PRUNE2: variants seen among roughly 807,000 people sequenced by gnomAD.
The protein encoded by PRUNE2 is prune homolog 2 with BCH domain, also known as protein prune homolog 2.
A neutral mutation model predicts 252.0 loss-of-function variants in PRUNE2; 164 were observed. The observed-to-expected ratio is 0.65, with a 90% CI of 0.57 to 0.74. The LOEUF is 0.74. PRUNE2 is among the 30% of genes least tolerant of loss of function. PRUNE2 has a pLI of 0.00. For missense variants in PRUNE2, 3,495 were observed against 3,711.0 expected, an observed-to-expected ratio of 0.94 and a Z score of 1.51; for synonymous variants, 1,292 against 1,350.2, an observed-to-expected ratio of 0.96 and a Z score of 0.94.
At chr9:76,617,912 G>A (rs967223930) in intron 18 of PRUNE2, among the ~76,000 whole-genome samples, 5 of 152,158 alleles carry the variant, frequency 3.3e-5, no homozygotes, top group Admixed American at 1.3e-4. Flanking sequence ...GCTCAAGGGG[G>A]GTGCTGTTTT....
Position 76,708,303 on chromosome 9 carries a change from C to T in PRUNE2, c.3971G>A (p.Ser1324Asn), listed in dbSNP as rs775491678. ...TCCCTGGGCTTCCTTCTCACTTTCA[C>T]TTTGTCCATCGCCATGACCTTTCCA... ...DPWKGHGDGQ[S>N]ESEKEAQGAT... is the part of the protein sequence containing the mutation. The change falls in exon 8 of 19, where the codon AGT becomes AAT. Residue 1324 changes from serine to asparagine, a missense_variant. Coordinates refer to ENST00000376718, the MANE Select transcript of PRUNE2 (RefSeq NM_015225.3). 6.2e-6 allele frequency: 10 copies of T among 1,613,664 alleles called. No homozygotes were observed. The South Asian group carries it at 1.1e-4, about 18-fold the overall frequency.
At chr9:76,782,038 C>T (rs915736532) in intron 6 of PRUNE2, among the ~76,000 whole-genome samples, 1 of 152,064 alleles carries the variant, frequency 6.6e-6, no homozygotes, top group Non-Finnish European at 1.5e-5. Flanking sequence ...CACGGTGAAA[C>T]CCCATCTCTA....
intron 1 of PRUNE2, among the ~76,000 whole-genome samples, chr9:76,871,988 T>C (rs918336407): frequency 2.0e-5 from 3 of 151,930 alleles, no homozygotes; most frequent in Admixed American, 2.0e-4. Context: ...AAAATGAAAA[T>C]AGTCAACATT....
intron 11 of PRUNE2, among the ~76,000 whole-genome samples, chr9:76,649,899 G>C (rs543633570): frequency 9.2e-5 from 14 of 151,746 alleles, no homozygotes; most frequent in African/African-American, 3.4e-4. Context: ...ACAGGCAAAT[G>C]GCCTGAAAAC....
chr9:76,702,555 T>C (rs1037818184), intron 9 of PRUNE2, among the ~76,000 whole-genome samples: 5 of 152,168 alleles, frequency 3.3e-5, no homozygotes, highest in Non-Finnish European at 5.9e-5. Flanking sequence ...CCCTGATATA[T>C]GCCCATTGGC....
At chr9:76,724,688 T>C (rs56145880) in intron 6 of PRUNE2, among the ~76,000 whole-genome samples, 4,025 of 152,226 alleles carry the variant, frequency 0.026, 153 homozygotes, top group African/African-American at 0.09. Flanking sequence ...AATACTTGAA[T>C]GGGGGAGTTT....
chr9:76,806,311 A>C (rs2056927984), intron 6 of PRUNE2, among the ~76,000 whole-genome samples: 2 of 152,330 alleles, frequency 1.3e-5, no homozygotes, highest in South Asian at 4.1e-4. Context: ...TCAGGATAAA[A>C]GCAAGTAACA....
At chr9:76,812,647 A>G (rs2057431906) in intron 6 of PRUNE2, among the ~76,000 whole-genome samples, 1 of 152,228 alleles carries the variant, frequency 6.6e-6, no homozygotes, top group Non-Finnish European at 1.5e-5. Context: ...TAAATTGTAC[A>G]CTAACAGCCC....
intron 4 of PRUNE2, among the ~76,000 whole-genome samples, chr9:76,841,982 C>A (rs2059417331): frequency 6.6e-6 from 1 of 151,914 alleles, no homozygotes; most frequent in South Asian, 2.1e-4. Context: ...TCACAAAATT[C>A]AAAAAAACTA....
chr9:76,849,381 C>G (rs1045373797), intron 3 of PRUNE2, among the ~76,000 whole-genome samples: 2 of 152,232 alleles, frequency 1.3e-5, no homozygotes, highest in African/African-American at 2.4e-5. Flanking sequence ...TAGCCCATCT[C>G]TATGTATTTT....
At chr9:76,846,038 T>C (rs879379905) in intron 4 of PRUNE2, among the ~76,000 whole-genome samples, 37 of 152,182 alleles carry the variant, frequency 2.4e-4, no homozygotes, top group Admixed American at 2.4e-3. Flanking sequence ...GCAAAGGAGG[T>C]GACATCTGAC....
intron 9 of PRUNE2, among the ~76,000 whole-genome samples, chr9:76,670,136 G>A (rs1234280947): frequency 2.0e-5 from 3 of 152,180 alleles, no homozygotes; most frequent in Non-Finnish European, 4.4e-5. Flanking sequence ...TCCATCTGAG[G>A]TACTGGGTTC....
At chr9:76,816,077 A>G (rs11145082) in intron 6 of PRUNE2, among the ~76,000 whole-genome samples, 70,282 of 150,404 alleles carry the variant, frequency 0.47, 16,507 homozygotes, top group Middle Eastern at 0.53. Flanking sequence ...CAGGAGAATC[A>G]CTTAAACCTG....
chr9:76,639,883 G>A (rs2132715152), intron 12 of PRUNE2, among the ~76,000 whole-genome samples: 1 of 152,290 alleles, frequency 6.6e-6, no homozygotes, highest in Middle Eastern at 3.4e-3. Context: ...CCCATCTTTT[G>A]AAAGCTCTGG....
chr9:76,876,616 C>T (rs1464545104), intron 1 of PRUNE2, among the ~76,000 whole-genome samples: 1 of 151,996 alleles, frequency 6.6e-6, no homozygotes, highest in Non-Finnish European at 1.5e-5. Context: ...GGGAATGAGG[C>T]CCAACACTGT....
At chr9:76,748,795 C>G (rs1461547849) in intron 6 of PRUNE2, 2 of 152,490 alleles carry the variant, frequency 1.3e-5, no homozygotes, top group African/African-American at 2.4e-5. Context: ...TAGTGGCATG[C>G]AACAAGGCAC....
intron 9 of PRUNE2, chr9:76,691,915 T>C: frequency 1.7e-6 from 1 of 605,286 alleles, no homozygotes; most frequent in South Asian, 2.0e-5. Flanking sequence ...CAGCTGTCAG[T>C]TGCAAGGGGC....
At chr9:76,681,096 C>A (rs546919626) in intron 9 of PRUNE2, among the ~76,000 whole-genome samples, 5 of 152,206 alleles carry the variant, frequency 3.3e-5, no homozygotes, top group Admixed American at 2.0e-4. Context: ...GGAAGAAAAT[C>A]CAGTCACAGG....
At chr9:76,673,118 G>C (rs1397053429) in intron 9 of PRUNE2, among the ~76,000 whole-genome samples, 2 of 152,106 alleles carry the variant, frequency 1.3e-5, no homozygotes, top group African/African-American at 2.4e-5. Flanking sequence ...TCCAGGAGCT[G>C]GTTTTTTGAA....
Sources: gnomAD v4.1 joint callset for allele counts (sites outside exome capture counted in the v4.1 genomes callset) on GRCh38, gnomAD v4.1.1 for gene constraint, MANE v1.5 for transcripts, NCBI Gene and HGNC (gene_info 2026-07-23, HGNC 2026-07-21) for gene names.